The following PI4K2A variants were observed in gnomAD, a reference collection of about 807,000 sequenced individuals.
The protein encoded by PI4K2A is phosphatidylinositol 4-kinase type 2 alpha.
PI4K2A carries 20 observed loss-of-function variants against 55.0 expected under a neutral mutation model. That is an observed-to-expected ratio of 0.36 (90% CI 0.26 to 0.53). The LOEUF (loss-of-function observed/expected upper bound fraction) is 0.53. Among genes scored for constraint, PI4K2A ranks in the 20% least tolerant of loss-of-function variants. The pLI is 0.91. For synonymous variants in PI4K2A, 235 were observed against 258.5 expected, an observed-to-expected ratio of 0.91 and a Z score of 0.87; for missense variants, 463 against 637.1, an observed-to-expected ratio of 0.73 and a Z score of 2.94.
chr10:97,666,169 G>A (rs2041608662), intron 6 of PI4K2A, among the ~76,000 whole-genome samples: 2 of 152,156 alleles, frequency 1.3e-5, no homozygotes, highest in Non-Finnish European at 2.9e-5. Flanking sequence ...CGTCTCAGTG[G>A]CAAGTAGTTG....
intron 2 of PI4K2A, among the ~76,000 whole-genome samples, chr10:97,653,854 T>C (rs556086439): frequency 1.3e-5 from 2 of 152,168 alleles, no homozygotes; most frequent in South Asian, 4.2e-4. Flanking sequence ...AAGGCAGAGG[T>C]TGCAGTGAGC....
chr10:97,663,826 T>TAAAAAA (rs35736231), intron 5 of PI4K2A, among the ~76,000 whole-genome samples: 1 of 118,302 alleles, frequency 8.5e-6, no homozygotes, highest in East Asian at 2.5e-4. Flanking sequence ...TCTCAAAAAT[T>TAAAAAA]AAAAAAAAAA....
At chr10:97,657,313 T>G (rs1307935104) in intron 4 of PI4K2A, among the ~76,000 whole-genome samples, 1 of 152,180 alleles carries the variant, frequency 6.6e-6, no homozygotes, top group Non-Finnish European at 1.5e-5. Flanking sequence ...AAAAAAATTT[T>G]TTTTCAGTGC....
At chr10:97,653,916 C>CAAA (rs112944042) in intron 2 of PI4K2A, among the ~76,000 whole-genome samples, 15 of 147,660 alleles carry the variant, frequency 1.0e-4, no homozygotes, top group African/African-American at 3.4e-4. Flanking sequence ...GACTCCGTCT[C>CAAA]AAAAAAAAAA....
In PI4K2A at chr10:97,642,869, CTTTCTTTCTTT is replaced by C. The variant is rs1564772339; in HGVS notation, c.435+1693_435+1703del. On this transcript the variant is annotated intron_variant, in intron 1 of 8. Transcript: ENST00000370631. ...TTCCTTCCTTTCTTTCTTTCTTTTT[CTTTCTTTCTTT>C]CTTTCTTCCTTCCTTCCTTCCTTCC... Among the ~76,000 whole-genome samples the C allele has an allele frequency of 4.4e-4, 41 of 93,414 alleles. 5 individuals are homozygous for C. Among genetic ancestry groups the C allele is most frequent in the African/African-American group, 1.7e-3 (36 of 20,716 alleles). 61.3% of individuals were successfully genotyped at this position (93,414 alleles called of 152,430 possible).
At chr10:97,661,193 G>A (rs988384759) in intron 4 of PI4K2A, among the ~76,000 whole-genome samples, 9 of 151,706 alleles carry the variant, frequency 5.9e-5, no homozygotes, top group East Asian at 1.9e-4. Context: ...GGGTTTCACC[G>A]TGTTAGCCAG....
intron 8 of PI4K2A, 81 bp downstream of exon 8, chr10:97,667,201 GTGTTTTATACCCCCCC>G: frequency 9.6e-7 from 1 of 1,036,274 alleles, no homozygotes; most frequent in Non-Finnish European, 1.5e-6. Context: ...TTTGAAGTTT[GTGTTTTATACCCCCCC>G]CTTTTTTTTT....
At chr10:97,645,590 A>G (rs1329635790) in intron 1 of PI4K2A, among the ~76,000 whole-genome samples, 1 of 146,972 alleles carries the variant, frequency 6.8e-6, no homozygotes, top group Non-Finnish European at 1.5e-5. Context: ...CCTGGGCGAG[A>G]CAGCAAGACT....
At chr10:97,668,559 C>CA (rs2041620715) in intron 8 of PI4K2A, among the ~76,000 whole-genome samples, 2 of 152,034 alleles carry the variant, frequency 1.3e-5, no homozygotes, top group South Asian at 4.2e-4. Context: ...GTCTAGGGGA[C>CA]AGAGTGAGAA....
chr10:97,660,194 G>T (rs1215532863), intron 4 of PI4K2A, among the ~76,000 whole-genome samples: 1 of 150,390 alleles, frequency 6.6e-6, no homozygotes, highest in Non-Finnish European at 1.5e-5. Context: ...GTAGAGATGG[G>T]GTTTCACCGT....
chr10:97,669,252 G>A (rs556245028), intron 8 of PI4K2A, among the ~76,000 whole-genome samples: 1 of 152,278 alleles, frequency 6.6e-6, no homozygotes, highest in East Asian at 1.9e-4. Context: ...TAATGTAAGG[G>A]CCCAATTAGG....
rs764457846 is a variant in PI4K2A, at chr10:97,667,054, T to C, written c.1219-7T>C. ...AGGTTCCATCTCCTTCTGGTCTTCT[T>C]TTGCAGAAAGATCCTGGTTTCGACA... On this transcript the variant is annotated splice_region_variant and splice_polypyrimidine_tract_variant and intron_variant, in intron 7 of 8. Transcript: ENST00000370631. 6 of 1,612,570 alleles carry C rather than the reference T, an allele frequency of 3.7e-6. No individual in the cohort carries two copies. Among genetic ancestry groups the C allele is most frequent in the Non-Finnish European group, 5.1e-6 (6 of 1,178,754 alleles).
intron 8 of PI4K2A, among the ~76,000 whole-genome samples, chr10:97,673,108 T>C (rs2041644794): frequency 6.6e-6 from 1 of 151,906 alleles, no homozygotes. Context: ...TGCCTCAGCC[T>C]CCCCAGTAGT....
At chr10:97,664,847 T>C in intron 5 of PI4K2A, 38 bp from the exon 6 acceptor site, 4 of 1,396,646 alleles carry the variant, frequency 2.9e-6, no homozygotes, top group Non-Finnish European at 3.1e-6. Context: ...CTGAGGGAGA[T>C]GGGTTTCCTC....
intron 8 of PI4K2A, among the ~76,000 whole-genome samples, chr10:97,672,975 G>T (rs1184895815): frequency 1.4e-5 from 2 of 147,334 alleles, no homozygotes; most frequent in South Asian, 2.1e-4. Flanking sequence ...AGTGTTTTTT[G>T]TGTTTTTTTT....
exon 1 of PI4K2A, chr10:97,640,749 G>A: frequency 3.3e-6 from 5 of 1,505,496 alleles, no homozygotes; most frequent in Admixed American, 2.2e-5. Context: ...AGGGATGGAC[G>A]AGACGAGCCC....
exon 9 of PI4K2A, chr10:97,675,123 T>C (rs1360838120): frequency 6.6e-6 from 1 of 152,646 alleles, no homozygotes; most frequent in Admixed American, 6.6e-5. Context: ...CCTGTGCTAC[T>C]GGACATTTCA....
intron 4 of PI4K2A, among the ~76,000 whole-genome samples, chr10:97,661,333 A>G (rs1314802961): frequency 6.6e-6 from 1 of 151,550 alleles, no homozygotes; most frequent in Non-Finnish European, 1.5e-5. Context: ...ATCATTTTAT[A>G]GCATCCATAG....
intron 1 of PI4K2A, 121 bp from the exon 2 acceptor site, chr10:97,650,820 A>C (rs561155893): frequency 5.6e-6 from 4 of 719,238 alleles, no homozygotes; most frequent in Admixed American, 2.7e-5. Context: ...CCTGAGTCCA[A>C]CTGTAAGTAG....
Sources: allele counts gnomAD v4.1 joint callset (sites outside exome capture counted in the v4.1 genomes callset), GRCh38; gene constraint gnomAD v4.1.1; transcripts MANE v1.5; gene names NCBI Gene and HGNC (gene_info 2026-07-23, HGNC 2026-07-21).